Variants in NKAIN2 observed in about 807,000 individuals in gnomAD.
NKAIN2 encodes the protein sodium/potassium-transporting ATPase subunit beta-1-interacting protein 2.
NKAIN2 carries 14 observed loss-of-function variants against 32.6 expected under a neutral mutation model. The ratio of observed to expected loss-of-function variants is 0.43; its 90% CI spans 0.28 to 0.67. NKAIN2 has a LOEUF of 0.67. Ranked by LOEUF, NKAIN2 falls within the 30% of genes least tolerant of loss-of-function variation. The pLI, the probability that NKAIN2 is intolerant of heterozygous loss-of-function variation, is 0.17. For missense variants in NKAIN2, 198 were observed against 258.3 expected, an observed-to-expected ratio of 0.77 and a Z score of 1.60; for synonymous variants, 80 against 87.2, an observed-to-expected ratio of 0.92 and a Z score of 0.46.
chr6:124,117,618 G>A (rs1466415321), intron 1 of NKAIN2, among the ~76,000 whole-genome samples: 2 of 151,906 alleles, frequency 1.3e-5, no homozygotes, highest in East Asian at 1.9e-4. Context: ...AAACCTGCAC[G>A]TTGTGCACAT....
chr6:124,732,338 G>A (rs1031067626), intron 4 of NKAIN2, among the ~76,000 whole-genome samples: 1 of 152,070 alleles, frequency 6.6e-6, no homozygotes, highest in Non-Finnish European at 1.5e-5. Context: ...CGGAAGCTGA[G>A]GAATAGGACA....
At chr6:123,965,244 C>T (rs370282259) in intron 1 of NKAIN2, among the ~76,000 whole-genome samples, 37 of 152,202 alleles carry the variant, frequency 2.4e-4, no homozygotes, top group Admixed American at 4.6e-4. Flanking sequence ...CAGAAATCAA[C>T]GCTGGACTCT....
At chr6:124,169,348 A>G (rs1484692111) in intron 1 of NKAIN2, among the ~76,000 whole-genome samples, 3 of 152,166 alleles carry the variant, frequency 2.0e-5, no homozygotes, top group African/African-American at 7.2e-5. Flanking sequence ...CTCTTTTCAC[A>G]AGTTTATCTT....
At chr6:124,117,088 C>T (rs1785651404) in intron 1 of NKAIN2, among the ~76,000 whole-genome samples, 1 of 151,546 alleles carries the variant, frequency 6.6e-6, no homozygotes, top group South Asian at 2.1e-4. Flanking sequence ...GCCTTCCCAC[C>T]AAGAAAGGCA....
At chr6:124,034,815 G>T (rs988632788) in intron 1 of NKAIN2, among the ~76,000 whole-genome samples, 2 of 151,960 alleles carry the variant, frequency 1.3e-5, no homozygotes, top group Admixed American at 1.3e-4. Flanking sequence ...TAGACATTCT[G>T]ACTGCTGTGA....
intron 1 of NKAIN2, among the ~76,000 whole-genome samples, chr6:123,962,571 T>A (rs1160067607): frequency 6.6e-6 from 1 of 152,168 alleles, no homozygotes; most frequent in East Asian, 1.9e-4. Flanking sequence ...CTCATCTCCT[T>A]CATTAATGGC....
chr6:123,918,554 A>G (rs1039811288), intron 1 of NKAIN2, among the ~76,000 whole-genome samples: 6 of 152,178 alleles, frequency 3.9e-5, no homozygotes, highest in Non-Finnish European at 8.8e-5. Flanking sequence ...ATGTGTCAAA[A>G]AAGCTAGTCC....
At chr6:123,989,165 A>G (rs1464629152) in intron 1 of NKAIN2, among the ~76,000 whole-genome samples, 2 of 152,166 alleles carry the variant, frequency 1.3e-5, no homozygotes, top group African/African-American at 4.8e-5. Context: ...TTGAGGATAC[A>G]ATAAAACAAT....
intron 3 of NKAIN2, among the ~76,000 whole-genome samples, chr6:124,414,345 A>G (rs1169338013): frequency 6.6e-6 from 1 of 152,188 alleles, no homozygotes; most frequent in Non-Finnish European, 1.5e-5. Context: ...TTTTAAACAG[A>G]TGCTTGCTAC....
chr6:123,895,561 A>T (rs538281753), intron 1 of NKAIN2, among the ~76,000 whole-genome samples: 1 of 152,274 alleles, frequency 6.6e-6, no homozygotes, highest in Non-Finnish European at 1.5e-5. Context: ...TGGTCTACTT[A>T]CCTAGGGACA....
intron 3 of NKAIN2, among the ~76,000 whole-genome samples, chr6:124,372,581 T>C (rs1263851180): frequency 6.6e-6 from 1 of 152,192 alleles, no homozygotes; most frequent in Non-Finnish European, 1.5e-5. Flanking sequence ...TTAGGAAACA[T>C]ACATTTTGGA....
chr6:124,506,074 G>C (rs1778467822), intron 3 of NKAIN2, among the ~76,000 whole-genome samples: 1 of 151,948 alleles, frequency 6.6e-6, no homozygotes, highest in Non-Finnish European at 1.5e-5. Flanking sequence ...CCAGCTACTC[G>C]GGATGCTGAG....
rs191705026 is a variant in NKAIN2, at chr6:124,206,925, C to T, written c.55-76080C>T. 2.1e-3 allele frequency among the ~76,000 whole-genome samples: 321 copies of T among 151,802 alleles called. 2 individuals are homozygous for T. The highest frequency in any genetic ancestry group is 7.1e-3 in the African/African-American group (293 of 41,446). On this transcript the variant is annotated intron_variant, in intron 1 of 6. Transcript: ENST00000368417. ...TAGGTCCAAAATACGGGATTAACAT[C>T]TCATATCTCCTCTCTCCATTAAAAA...
At chr6:124,732,284 T>A (rs1363691281) in intron 4 of NKAIN2, among the ~76,000 whole-genome samples, 2 of 152,002 alleles carry the variant, frequency 1.3e-5, no homozygotes, top group Non-Finnish European at 2.9e-5. Flanking sequence ...TTGTACATAT[T>A]TGGTGCCATA....
intron 3 of NKAIN2, among the ~76,000 whole-genome samples, chr6:124,575,654 G>C (rs190485664): frequency 6.6e-6 from 1 of 152,092 alleles, no homozygotes; most frequent in Admixed American, 6.5e-5. Flanking sequence ...GCCTTCTACC[G>C]GGGAATTGCT....
At chr6:124,163,694 G>A (rs1174789758) in intron 1 of NKAIN2, among the ~76,000 whole-genome samples, 2 of 151,776 alleles carry the variant, frequency 1.3e-5, no homozygotes, top group Non-Finnish European at 2.9e-5. Context: ...TTATTGCATT[G>A]AAAAAATTTG....
intron 1 of NKAIN2, among the ~76,000 whole-genome samples, chr6:124,160,157 A>G (rs917338915): frequency 3.3e-4 from 50 of 152,134 alleles, no homozygotes; most frequent in African/African-American, 1.0e-3. Flanking sequence ...AATCTGTTCA[A>G]TTGGGTGAGG....
chr6:124,030,473 ATTCTTACTCAGTGG>A (rs1290532343), intron 1 of NKAIN2, among the ~76,000 whole-genome samples: 1 of 152,142 alleles, frequency 6.6e-6, no homozygotes. Flanking sequence ...TTCTTCCTTT[ATTCTTACTCAGTGG>A]TTCTTACTAT....
At chr6:124,533,560 T>G (rs1779608905) in intron 3 of NKAIN2, among the ~76,000 whole-genome samples, 1 of 150,918 alleles carries the variant, frequency 6.6e-6, no homozygotes, top group Non-Finnish European at 1.5e-5. Context: ...CTCTTCCACC[T>G]CTCTGTCTAT....
Sources: allele counts gnomAD v4.1 joint callset (sites outside exome capture counted in the v4.1 genomes callset), GRCh38; gene constraint gnomAD v4.1.1; transcripts MANE v1.5; gene names NCBI Gene and HGNC (gene_info 2026-07-23, HGNC 2026-07-21).